BPIFB3: variants seen among roughly 807,000 people sequenced by gnomAD.
BPIFB3 encodes BPI fold containing family B member 3, also known as BPI fold-containing family B member 3.
In BPIFB3, 49 loss-of-function variants were observed where a neutral mutation model predicts 53.1. The observed-to-expected ratio is 0.92, with a 90% CI of 0.73 to 1.17. BPIFB3 has a LOEUF of 1.17. BPIFB3 is among the 50% of genes most tolerant of loss of function. The pLI is 0.00. For synonymous variants in BPIFB3, 271 were observed against 269.6 expected, an observed-to-expected ratio of 1.01 and a Z score of -0.05; for missense variants, 628 against 592.5, an observed-to-expected ratio of 1.06 and a Z score of -0.62.
intron 12 of BPIFB3, among the ~76,000 whole-genome samples, chr20:33,071,590 G>T (rs1025894096): frequency 1.3e-5 from 2 of 152,094 alleles, no homozygotes; most frequent in African/African-American, 4.8e-5. Flanking sequence ...CCTCACAAGG[G>T]TCCATCATTC....
At chr20:33,063,202 C>T (rs1219439991) in intron 5 of BPIFB3, among the ~76,000 whole-genome samples, 4 of 152,206 alleles carry the variant, frequency 2.6e-5, no homozygotes, top group African/African-American at 9.7e-5. Flanking sequence ...AGGTGCCCCT[C>T]TGTGGGGTCT....
chr20:33,064,875 G>A, intron 8 of BPIFB3, 30 bp downstream of exon 9: 1 of 1,599,724 alleles, frequency 6.3e-7, no homozygotes, highest in Non-Finnish European at 8.5e-7. Flanking sequence ...GATGGGGATG[G>A]GGGCTCCTTG....
exon 2 of BPIFB3, chr20:33,056,658 G>T (rs750605773): frequency 1.2e-6 from 2 of 1,611,276 alleles, no homozygotes. Flanking sequence ...CGGCTTGCTG[G>T]GCCACGGAGG....
At chr20:33,070,096 G>T in intron 11 of BPIFB3, 141 bp downstream of exon 12, 1 of 892,982 alleles carries the variant, frequency 1.1e-6, no homozygotes, top group Non-Finnish European at 1.8e-6. Flanking sequence ...TTCAGGACCC[G>T]CCAGGGAGGA....
rs1342291243 is a variant in BPIFB3, at chr20:33,066,808, C to T, written c.925-16C>T. On this transcript the variant is annotated splice_polypyrimidine_tract_variant and intron_variant, in intron 8 of 14. Transcript: ENST00000375494. ...GTCTCTGTGCTCACCAACCCTCTCT[C>T]CCATTGGGGGTCCAGGTTCCCAGCG... 1 of 1,613,816 alleles carries T rather than the reference C, an allele frequency of 6.2e-7. No homozygotes were observed. The highest frequency in any genetic ancestry group is 8.5e-7 in the Non-Finnish European group (1 of 1,179,658).
Position 33,068,861 on chromosome 20 carries a change from C to T in BPIFB3, c.1037C>T (p.Ala346Val), listed in dbSNP as rs761307794. ...CTACTGTTCCTGCGGGTGAGGGAAG[C>T]TCCCACGGTCACACTCCACAACAAG... The change falls in exon 10 of 15, where the codon GCT (alanine) becomes GTT (valine). Residue 346 changes from alanine (A) to valine (V), a missense_variant. Physicochemically the swap from Ala to Val is moderately conservative, Grantham distance 64 (BLOSUM62 0). Transcript: ENST00000375494. 4.3e-6 allele frequency: 7 copies of T among 1,613,908 alleles called. No homozygotes were observed. In the South Asian group the frequency reaches 6.6e-5, roughly 15 times the overall value.
chr20:33,055,697 G>A (rs1980170687), intron 1 of BPIFB3, 150 bp downstream of exon 2: 2 of 1,210,382 alleles, frequency 1.7e-6, no homozygotes, highest in Non-Finnish European at 2.3e-6. Flanking sequence ...TAGCTGTGCA[G>A]GAGTGAAAGT....
intron 2 of BPIFB3, among the ~76,000 whole-genome samples, chr20:33,058,904 G>A (rs1489629287): frequency 6.6e-6 from 1 of 152,046 alleles, no homozygotes; most frequent in Admixed American, 6.6e-5. Flanking sequence ...CCAGACAGAG[G>A]AAATGGCCTG....
At chr20:33,060,177 C>A in intron 4 of BPIFB3, 146 bp downstream of exon 5, 1 of 1,094,516 alleles carries the variant, frequency 9.1e-7, no homozygotes, top group Non-Finnish European at 1.3e-6. Context: ...TTTCAACCCA[C>A]TTCACAGACC....
chr20:33,072,871 G>GA, intron 14 of BPIFB3, 78 bp downstream of exon 15: 1 of 1,224,498 alleles, frequency 8.2e-7, no homozygotes, highest in Non-Finnish European at 1.2e-6. Flanking sequence ...CTAATGAGGG[G>GA]AATGCTTTGC....
In BPIFB3 at chr20:33,056,530, C is replaced by G. The variant is rs370796882; in HGVS notation, c.125-12C>G. ...AGTTTCTAGTACCTTCCTACTTCCACTCTCTCTGCAGCCATCCAGAACTCA... is the reference window on the plus strand; with the variant it reads ...AGTTTCTAGTACCTTCCTACTTCCAGTCTCTCTGCAGCCATCCAGAACTCA... On this transcript the variant is annotated splice_polypyrimidine_tract_variant and intron_variant, in intron 1 of 14. Coordinates refer to ENST00000375494, the Ensembl canonical transcript of BPIFB3. 3.1e-6 allele frequency: 5 copies of G among 1,613,554 alleles called. No individual in the cohort carries two copies. The African/African-American group carries it at 4.0e-5, about 13-fold the overall frequency.
intron 3 of BPIFB3, 135 bp downstream of exon 4, chr20:33,059,617 A>C: frequency 1.4e-6 from 1 of 734,930 alleles, no homozygotes. Flanking sequence ...TTCCTCCCCA[A>C]GGGACTCCCA....
At chr20:33,059,548 C>G in intron 3 of BPIFB3, 66 bp downstream of exon 4, 1 of 1,190,716 alleles carries the variant, frequency 8.4e-7, no homozygotes. Flanking sequence ...GTTGGAGACT[C>G]CTACTCTGCT....
Position 33,059,473 on chromosome 20 carries a change from A to G in BPIFB3, c.377A>G (p.His126Arg), listed in dbSNP as rs748786849. 1.6e-5 allele frequency: 26 copies of G among 1,610,100 alleles called. 1 individual carries two copies. In the South Asian group the frequency reaches 2.9e-4, roughly 18 times the overall value. Residue 126 changes from histidine to arginine, a missense_variant, in exon 3 of 15, where the codon CAT (histidine) becomes CGT (arginine). Physicochemically the swap from His to Arg is conservative, Grantham distance 29. Coordinates refer to ENST00000375494, the Ensembl canonical transcript of BPIFB3. ...AGCCTGCACACCAAAGTGGGCATGCATTGCTCTGGGTGAGTGTGTCCTGGG... is the reference window on the plus strand; with the variant it reads ...AGCCTGCACACCAAAGTGGGCATGCGTTGCTCTGGGTGAGTGTGTCCTGGG...
chr20:33,069,055 TC>T, intron 10 of BPIFB3, 82 bp downstream of exon 11: 1 of 1,456,274 alleles, frequency 6.9e-7, no homozygotes, highest in Non-Finnish European at 9.3e-7. Context: ...GGAGGTACCG[TC>T]CCCCTGATTT....
At chr20:33,062,875 C>T (rs528669068) in intron 5 of BPIFB3, among the ~76,000 whole-genome samples, 2 of 152,246 alleles carry the variant, frequency 1.3e-5, no homozygotes, top group Non-Finnish European at 2.9e-5. Context: ...CTTGCCTGAC[C>T]CCAGAAATCC....
chr20:33,053,921 G>T (rs770330178), upstream of BPIFB3, among the ~76,000 whole-genome samples: 2 of 152,202 alleles, frequency 1.3e-5, no homozygotes, highest in Non-Finnish European at 2.9e-5. Flanking sequence ...ACCGACAGGA[G>T]GCCGGGAGCC....
chr20:33,071,384 A>G lies in BPIFB3; in HGVS notation c.1260+89A>G, dbSNP rs188061389. 4.9e-5 allele frequency: 70 copies of G among 1,416,560 alleles called. No homozygotes were observed. The African/African-American group carries it at 9.5e-4, about 19-fold the overall frequency. 87.7% of individuals were successfully genotyped at this position (1,416,560 alleles called of 1,614,324 possible). ...GGGGTGGCCATGAGTCATGGGCCAT[A>G]TGACTGAGCTGACCTCAGGACTGGG... On this transcript the variant is annotated intron_variant, in intron 12 of 14. Coordinates refer to ENST00000375494, the Ensembl canonical transcript of BPIFB3.
chr20:33,055,469 G>A (rs1980152407), exon 1 of BPIFB3: 5 of 1,613,768 alleles, frequency 3.1e-6, no homozygotes, highest in Middle Eastern at 1.6e-4. Context: ...TCTGCTCTGG[G>A]GCCTGGCGAC....
Sources: gnomAD v4.1 joint callset for allele counts (sites outside exome capture counted in the v4.1 genomes callset) on GRCh38, gnomAD v4.1.1 for gene constraint, MANE v1.5 for transcripts, NCBI Gene and HGNC (gene_info 2026-07-23, HGNC 2026-07-21) for gene names.